RANBP17: variants seen among roughly 807,000 people sequenced by gnomAD.
The protein encoded by RANBP17 is ran-binding protein 17.
In RANBP17, 158 loss-of-function variants were observed where a neutral mutation model predicts 141.2. The observed-to-expected ratio is 1.12, with a 90% confidence interval of 0.98 to 1.28. The LOEUF is 1.28. Ranked by LOEUF, RANBP17 falls within the 50% of genes most tolerant of loss-of-function variation. RANBP17 has a pLI of 0.00. For missense variants in RANBP17, 1,438 were observed against 1,290.7 expected, an observed-to-expected ratio of 1.11 and a Z score of -1.75; for synonymous variants, 430 against 450.0, an observed-to-expected ratio of 0.96 and a Z score of 0.56.
chr5:170,877,668 T>C (rs1309467247), intron 1 of RANBP17, among the ~76,000 whole-genome samples: 1 of 152,214 alleles, frequency 6.6e-6, no homozygotes, highest in Non-Finnish European at 1.5e-5. Flanking sequence ...CTCCTTGCTG[T>C]GTTTATCAGC....
chr5:171,105,118 C>T (rs1288410826), intron 14 of RANBP17, among the ~76,000 whole-genome samples: 6 of 151,936 alleles, frequency 3.9e-5, no homozygotes, highest in Non-Finnish European at 8.8e-5. Flanking sequence ...CGCGGTGGCT[C>T]ACGCCTGTAA....
intron 14 of RANBP17, among the ~76,000 whole-genome samples, chr5:171,077,986 A>G (rs1581575287): frequency 2.6e-5 from 4 of 152,324 alleles, no homozygotes; most frequent in Admixed American, 2.6e-4. Flanking sequence ...CATGAGGTTT[A>G]AGGAAAGAAG....
chr5:170,923,015 C>CT (rs34030823), intron 11 of RANBP17, among the ~76,000 whole-genome samples: 91,211 of 151,982 alleles, frequency 0.6, 29,138 homozygotes, highest in South Asian at 0.88. Context: ...TAAATTTTGA[C>CT]TAAGTCCAAT....
intron 14 of RANBP17, among the ~76,000 whole-genome samples, chr5:171,063,851 C>T (rs545993828): frequency 3.3e-5 from 5 of 152,316 alleles, no homozygotes; most frequent in South Asian, 2.1e-4. Flanking sequence ...GTTTACCTAG[C>T]GAGCCTGGGC....
chr5:171,277,637 G>GTATGTATA (rs1554127913), intron 25 of RANBP17, among the ~76,000 whole-genome samples: 1 of 56,904 alleles, frequency 1.8e-5, no homozygotes, highest in African/African-American at 5.8e-5. Flanking sequence ...ATATATGTAT[G>GTATGTATA]TATATATATA....
At chr5:170,999,954 T>C (rs575146758) in intron 14 of RANBP17, among the ~76,000 whole-genome samples, 3 of 152,316 alleles carry the variant, frequency 2.0e-5, no homozygotes, top group African/African-American at 7.2e-5. Context: ...TCTCAGTGAT[T>C]GTGACAACCC....
intron 14 of RANBP17, among the ~76,000 whole-genome samples, chr5:170,974,030 G>A (rs749565332): frequency 6.6e-6 from 1 of 152,124 alleles, no homozygotes; most frequent in Non-Finnish European, 1.5e-5. Flanking sequence ...TTTCACATTT[G>A]CCCCACAAAG....
At chr5:170,947,373 C>T (rs1490001558) in intron 12 of RANBP17, among the ~76,000 whole-genome samples, 1 of 151,994 alleles carries the variant, frequency 6.6e-6, no homozygotes, top group Non-Finnish European at 1.5e-5. Context: ...ACAAAAATAC[C>T]TGTTTTCATG....
intron 22 of RANBP17, among the ~76,000 whole-genome samples, chr5:171,224,163 G>GT (rs1763750671): frequency 6.6e-6 from 1 of 152,170 alleles, no homozygotes; most frequent in Non-Finnish European, 1.5e-5. Context: ...GCTCAGCAGT[G>GT]TTTCCTGTTT....
At position 171,141,621 on chromosome 5, in the gene RANBP17, C is replaced by CAAAA. The variant is rs10691735; in HGVS notation, c.1711-28491_1711-28488dup. On this transcript the variant is annotated intron_variant, in intron 14 of 27. Transcript: ENST00000523189. Reference sequence around the variant, plus strand: ...ACTGAGATGGAGCGAGACTCCATCTCAAAAAAAAAAAAAAAAAAAAAGTGA... The same window carrying CAAAA: ...ACTGAGATGGAGCGAGACTCCATCTCAAAAAAAAAAAAAAAAAAAAAAAAAGTGA... Among the ~76,000 whole-genome samples, 130 of 54,496 alleles carry CAAAA rather than the reference C, an allele frequency of 2.4e-3. 3 individuals are homozygous for CAAAA. Among genetic ancestry groups the CAAAA allele is most frequent in the East Asian group, 3.0e-3 (5 of 1,664 alleles). 35.8% of individuals were successfully genotyped at this position (54,496 alleles called of 152,430 possible). A position where few individuals can be genotyped will look rare whatever the true frequency, so the allele number is the denominator to read the frequency against.
chr5:171,107,097 A>G (rs1478940490), intron 14 of RANBP17, among the ~76,000 whole-genome samples: 2 of 152,034 alleles, frequency 1.3e-5, no homozygotes, highest in African/African-American at 2.4e-5. Context: ...GAAAGCTTTT[A>G]TTTTATAAGA....
intron 14 of RANBP17, among the ~76,000 whole-genome samples, chr5:171,089,054 T>G (rs1165568310): frequency 6.6e-6 from 1 of 151,964 alleles, no homozygotes; most frequent in Non-Finnish European, 1.5e-5. Context: ...TTTTAGAGTT[T>G]CCAGTTTTTC....
At chr5:171,216,599 G>A (rs572752387) in intron 21 of RANBP17, among the ~76,000 whole-genome samples, 39 of 152,174 alleles carry the variant, frequency 2.6e-4, no homozygotes, top group African/African-American at 8.4e-4. Flanking sequence ...GTACTGGTTT[G>A]TAGTTCTCCT....
intron 1 of RANBP17, 146 bp downstream of exon 1, chr5:170,862,197 C>T: frequency 1.2e-6 from 1 of 850,802 alleles, no homozygotes; most frequent in African/African-American, 1.8e-5. Flanking sequence ...GCCTCTGCCC[C>T]TAGCCGGGGA....
intron 14 of RANBP17, among the ~76,000 whole-genome samples, chr5:171,017,747 CTTTAG>C (rs1471728167): frequency 3.3e-5 from 5 of 152,148 alleles, no homozygotes; most frequent in African/African-American, 2.4e-5. Context: ...TGCAGAAGCT[CTTTAG>C]TTTAATTAGA....
intron 15 of RANBP17, among the ~76,000 whole-genome samples, chr5:171,170,417 A>G (rs1760020342): frequency 1.3e-5 from 2 of 152,190 alleles, no homozygotes; most frequent in African/African-American, 2.4e-5. Context: ...TCAAGTTTCC[A>G]TACAACGGCA....
chr5:171,103,595 T>C (rs1321275937), intron 14 of RANBP17, among the ~76,000 whole-genome samples: 4 of 151,966 alleles, frequency 2.6e-5, no homozygotes, highest in Admixed American at 2.0e-4. Flanking sequence ...CAGCCCCCTT[T>C]CCAGGGGAGT....
chr5:170,893,698 C>CAGG lies in RANBP17; in HGVS notation c.423+1148_423+1150dup, dbSNP rs1769851394. Among the ~76,000 whole-genome samples, 3 of 151,622 alleles carry CAGG rather than the reference C, an allele frequency of 2.0e-5. No homozygotes were observed. In the South Asian group the frequency reaches 6.3e-4, roughly 32 times the overall value. On this transcript the variant is annotated intron_variant, in intron 4 of 27. Coordinates refer to ENST00000523189, the MANE Select transcript of RANBP17 (RefSeq NM_022897.5). ...GTCCCAGCTACTCGGGAGGCTGAGGCAGGAGAATGGCGTGAACCCGGTAGA... is the reference window on the plus strand; with the variant it reads ...GTCCCAGCTACTCGGGAGGCTGAGGCAGGAGGAGAATGGCGTGAACCCGGTAGA...
chr5:170,923,826 T>G (rs1467256201), intron 11 of RANBP17, among the ~76,000 whole-genome samples: 2 of 152,224 alleles, frequency 1.3e-5, no homozygotes, highest in Non-Finnish European at 2.9e-5. Context: ...CAGGTCATTT[T>G]GTATATTGAC....
Sources: allele counts gnomAD v4.1 joint callset (sites outside exome capture counted in the v4.1 genomes callset), GRCh38; gene constraint gnomAD v4.1.1; transcripts MANE v1.5; gene names NCBI Gene and HGNC (gene_info 2026-07-23, HGNC 2026-07-21).